Variants in CACUL1 observed in about 807,000 individuals in gnomAD.
The protein encoded by CACUL1 is CDK2 associated cullin domain 1, also known as CDK2-associated and cullin domain-containing protein 1.
A neutral mutation model predicts 45.2 loss-of-function variants in CACUL1; 13 were observed. The observed-to-expected ratio is 0.29, with a 90% confidence interval of 0.19 to 0.46. The LOEUF (loss-of-function observed/expected upper bound fraction) is 0.46. Ranked by LOEUF, CACUL1 falls within the 20% of genes least tolerant of loss-of-function variation. The pLI, the probability that CACUL1 is intolerant of heterozygous loss-of-function variation, is 1.00. For missense variants in CACUL1, 421 were observed against 471.4 expected (o/e 0.89, Z 0.99); for synonymous variants, 197 against 174.2 (o/e 1.13, Z -1.03).
rs1301262409 is a variant in CACUL1 at position 118,684,424 on chromosome 10, A to C, written c.*1704T>G. 2 of 152,260 alleles carry C rather than the reference A, an allele frequency of 1.3e-5. No individual in the cohort carries two copies. The highest frequency in any genetic ancestry group is 4.8e-5 in the African/African-American group (2 of 41,466). 9.4% of individuals were successfully genotyped at this position (152,260 alleles called of 1,614,324 possible). On this transcript the variant is annotated 3_prime_UTR_variant, in exon 9 of 9. Coordinates refer to ENST00000369151, the MANE Select transcript of CACUL1 (RefSeq NM_153810.5). Reference sequence around the variant, plus strand: ...TAGAATGTTACCAGTGTAGCAACTTAAACTGTCCAGGTCATAGTGAGAGCC... The same window carrying C: ...TAGAATGTTACCAGTGTAGCAACTTCAACTGTCCAGGTCATAGTGAGAGCC...
At chr10:118,730,668 A>G (rs58905525) in intron 1 of CACUL1, among the ~76,000 whole-genome samples, 3,554 of 152,292 alleles carry the variant, frequency 0.023, 140 homozygotes, top group African/African-American at 0.082. Context: ...ACAAGCAATC[A>G]TCACTGGCTT....
chr10:118,681,037 G>C lies in CACUL1; in HGVS notation c.*5091C>G, dbSNP rs939526094. ...TTTACCACAATGTTTTAGAGTGAAA[G>C]TATATGCCCTAATACAGAAGGAGTG... On this transcript the variant is annotated 3_prime_UTR_variant, in exon 9 of 9. Coordinates refer to ENST00000369151, the MANE Select transcript of CACUL1 (RefSeq NM_153810.5). The C allele has an allele frequency of 6.6e-6, 1 of 152,216 alleles. No homozygotes were observed. Among genetic ancestry groups the C allele is most frequent in the Non-Finnish European group, 1.5e-5 (1 of 68,048 alleles). 9.4% of individuals were successfully genotyped at this position (152,216 alleles called of 1,614,324 possible). A position where few individuals can be genotyped will look rare whatever the true frequency, so the allele number is the denominator to read the frequency against.
Position 118,686,040 on chromosome 10 carries a change from G to A in CACUL1, c.*88C>T. 1.2e-6 allele frequency: 1 copy of A among 862,806 alleles called. No homozygotes were observed. Among genetic ancestry groups the A allele is most frequent in the South Asian group, 1.6e-5 (1 of 61,484 alleles). 53.4% of individuals were successfully genotyped at this position (862,806 alleles called of 1,614,324 possible). A position where few individuals can be genotyped will look rare whatever the true frequency, so the allele number is the denominator to read the frequency against. On this transcript the variant is annotated 3_prime_UTR_variant, in exon 9 of 9. Transcript: ENST00000369151. ...CAGCTTTGTGACAGAGCTCCTGAGT[G>A]TGTGCAGCCCCCACTGTGCTCTGAA...
In CACUL1 at chr10:118,677,929, A is replaced by G. The variant is rs1208133665; in HGVS notation, c.*8199T>C. 1 of 152,256 alleles carries G rather than the reference A, an allele frequency of 6.6e-6. No homozygotes were observed. The highest frequency in any genetic ancestry group is 1.5e-5 in the Non-Finnish European group (1 of 68,046). 9.4% of individuals were successfully genotyped at this position (152,256 alleles called of 1,614,324 possible). ...ATTAGATAATACTGTTCTCCAAAGT[A>G]GAAGTGCAGATTTACACGCCAACAA... On this transcript the variant is annotated 3_prime_UTR_variant, in exon 9 of 9. Coordinates refer to ENST00000369151, the MANE Select transcript of CACUL1 (RefSeq NM_153810.5).
chr10:118,737,903 T>C (rs2119659132), intron 1 of CACUL1, among the ~76,000 whole-genome samples: 1 of 152,270 alleles, frequency 6.6e-6, no homozygotes, highest in South Asian at 2.1e-4. Flanking sequence ...CTCCACCTAA[T>C]CCAAAATCTC....
rs538937987 is a variant in CACUL1, at chr10:118,732,680, G to A, written c.368-2270C>T. Among the ~76,000 whole-genome samples, 5 of 152,160 alleles carry A rather than the reference G, an allele frequency of 3.3e-5. No homozygotes were observed. In the East Asian group the frequency reaches 9.6e-4, roughly 29 times the overall value. ...TCCCAGAGCTCCCCACTGGTACTAA[G>A]CTCCAGCTGCCTACAGTGGTGACTT... On this transcript the variant is annotated intron_variant, in intron 1 of 8. Transcript: ENST00000369151.
In CACUL1 at chr10:118,678,545, T is replaced by G. The variant is rs1383749344; in HGVS notation, c.*7583A>C. 6.6e-6 allele frequency: 1 copy of G among 152,222 alleles called. No individual in the cohort carries two copies. The highest frequency in any genetic ancestry group is 1.5e-5 in the Non-Finnish European group (1 of 68,040). The allele number at this position is 152,222 out of a possible 1,614,324, so 9.4% of individuals were successfully genotyped here. A position where few individuals can be genotyped will look rare whatever the true frequency, so the allele number is the denominator to read the frequency against. On this transcript the variant is annotated 3_prime_UTR_variant, in exon 9 of 9. Coordinates refer to ENST00000369151, the MANE Select transcript of CACUL1 (RefSeq NM_153810.5). ...TGGGAATTTTTTTGGAATTGCAATT[T>G]GGAGAAAAAGTTGAGATTTAGATAA... is the stretch of plus-strand genomic sequence containing the variant.
At chr10:118,754,284 G>GCCT in intron 1 of CACUL1, 112 bp downstream of exon 1, 1 of 1,407,052 alleles carries the variant, frequency 7.1e-7, no homozygotes, top group Non-Finnish European at 9.3e-7. Flanking sequence ...GGGGAGAAGA[G>GCCT]GAAAGACCGA....
In CACUL1 at chr10:118,746,138, C is replaced by T. The variant is rs548944541; in HGVS notation, c.367+8258G>A. Among the ~76,000 whole-genome samples, 417 of 133,404 alleles carry T rather than the reference C, an allele frequency of 3.1e-3. 3 individuals carry two copies. The highest frequency in any genetic ancestry group is 0.011 in the African/African-American group (399 of 36,110). The allele number at this position is 133,404 out of a possible 152,430, so 87.5% of individuals were successfully genotyped here. On this transcript the variant is annotated intron_variant, in intron 1 of 8. Transcript: ENST00000369151. ...CTGCACTCCAGCCTGGGCAACAGAG[C>T]GAGACACTGTCTCAAAAAAAAAAAA...
intron 4 of CACUL1, among the ~76,000 whole-genome samples, chr10:118,706,699 A>C (rs1242574237): frequency 6.6e-6 from 1 of 152,232 alleles, no homozygotes; most frequent in Non-Finnish European, 1.5e-5. Flanking sequence ...GAAAACTCGT[A>C]CTATTAAAAT....
chr10:118,745,735 G>T (rs900052798), intron 1 of CACUL1, among the ~76,000 whole-genome samples: 2 of 152,118 alleles, frequency 1.3e-5, no homozygotes, highest in Non-Finnish European at 2.9e-5. Flanking sequence ...ACCATATGTT[G>T]TCTACAAGAA....
At chr10:118,729,606 C>T (rs939629598) in intron 2 of CACUL1, among the ~76,000 whole-genome samples, 2 of 152,176 alleles carry the variant, frequency 1.3e-5, no homozygotes, top group African/African-American at 2.4e-5. Context: ...TAAATATGCC[C>T]TTCTAAGTAG....
intron 4 of CACUL1, among the ~76,000 whole-genome samples, chr10:118,706,354 C>CTT (rs939047036): frequency 2.1e-4 from 32 of 152,276 alleles, no homozygotes; most frequent in African/African-American, 7.2e-4. Context: ...CTACTGAAAA[C>CTT]TTTAAACAGC....
intron 5 of CACUL1, among the ~76,000 whole-genome samples, chr10:118,699,645 G>A (rs1487003268): frequency 1.3e-5 from 1 of 79,650 alleles, no homozygotes; most frequent in East Asian, 3.3e-4. Flanking sequence ...TACCTCATGA[G>A]ACAATTTTTT....
At chr10:118,746,327 C>G (rs534231020) in intron 1 of CACUL1, among the ~76,000 whole-genome samples, 1 of 152,244 alleles carries the variant, frequency 6.6e-6, no homozygotes, top group Non-Finnish European at 1.5e-5. Context: ...TCAGTTATTT[C>G]TGACAAAGTT....
intron 6 of CACUL1, chr10:118,692,504 T>C (rs190742302): frequency 4.5e-4 from 68 of 152,314 alleles, no homozygotes; most frequent in African/African-American, 1.5e-3. Flanking sequence ...ATAAATATAC[T>C]CTCTCCTTTT....
chr10:118,701,093 A>G (rs1845375336), intron 5 of CACUL1, among the ~76,000 whole-genome samples: 1 of 152,184 alleles, frequency 6.6e-6, no homozygotes, highest in Non-Finnish European at 1.5e-5. Context: ...GCACTGTCCA[A>G]TGACCTGGTC....
In CACUL1 at chr10:118,690,214, T is replaced by C. The variant is rs564288175; in HGVS notation, c.1025+1051A>G. On this transcript the variant is annotated intron_variant, in intron 7 of 8. Coordinates refer to ENST00000369151, the MANE Select transcript of CACUL1 (RefSeq NM_153810.5). ...TACTCGGGAGGCTGAGGCAGGAGAA[T>C]GGCGTGAACCCGGGAAGCGGAGCTT... 4.1e-3 allele frequency among the ~76,000 whole-genome samples: 575 copies of C among 140,708 alleles called. 16 individuals carry two copies. Among genetic ancestry groups the C allele is most frequent in the Admixed American group, 0.033 (433 of 12,980 alleles). 92.3% of individuals were successfully genotyped at this position (140,708 alleles called of 152,430 possible). A position where few individuals can be genotyped will look rare whatever the true frequency, so the allele number is the denominator to read the frequency against.
At position 118,750,930 on chromosome 10, in the gene CACUL1, G is replaced by A. The variant is rs528244058; in HGVS notation, c.367+3466C>T. Among the ~76,000 whole-genome samples the A allele has an allele frequency of 5.9e-5, 9 of 152,254 alleles. No individual in the cohort carries two copies. In the East Asian group the frequency reaches 1.7e-3, roughly 29 times the overall value. On this transcript the variant is annotated intron_variant, in intron 1 of 8. Transcript: ENST00000369151. Reference sequence around the variant, plus strand: ...CATACAGTGTGTAATAATCCCATCAGGGAAAATGCGGTACCATCACCTCAA... The same window carrying A: ...CATACAGTGTGTAATAATCCCATCAAGGAAAATGCGGTACCATCACCTCAA...
Sources: gnomAD v4.1 joint callset for allele counts (sites outside exome capture counted in the v4.1 genomes callset) on GRCh38, gnomAD v4.1.1 for gene constraint, MANE v1.5 for transcripts, NCBI Gene and HGNC (gene_info 2026-07-23, HGNC 2026-07-21) for gene names.